Variants in ZFHX3 observed in about 807,000 individuals in gnomAD.
The protein encoded by ZFHX3 is zinc finger homeobox protein 3.
Under a neutral mutation model 279.1 loss-of-function variants are expected in ZFHX3, and 42 were observed. The observed-to-expected ratio is 0.15, with a 90% confidence interval of 0.12 to 0.19. The LOEUF is 0.19. ZFHX3 is among the 10% of genes least tolerant of loss of function. ZFHX3 has a pLI of 1.00. For missense variants in ZFHX3, 4,981 were observed against 4,754.0 expected (o/e 1.05, Z -1.40); for synonymous variants, 2,293 against 1,957.8 (o/e 1.17, Z -4.52).
intron 2 of ZFHX3, among the ~76,000 whole-genome samples, chr16:73,547,981 T>C (rs2020148910): frequency 6.6e-6 from 1 of 152,366 alleles, no homozygotes; most frequent in African/African-American, 2.4e-5. Flanking sequence ...TGCTTTAGCA[T>C]CTGAAAACTT....
chr16:73,101,381 G>T (rs1390958154), intron 7 of ZFHX3, among the ~76,000 whole-genome samples: 2 of 152,006 alleles, frequency 1.3e-5, no homozygotes, highest in African/African-American at 4.8e-5. Flanking sequence ...GTGTTGAAAG[G>T]TATTGCTCCC....
chr16:73,696,471 G>T (rs989993270), intron 1 of ZFHX3, among the ~76,000 whole-genome samples: 1 of 152,134 alleles, frequency 6.6e-6, no homozygotes, highest in African/African-American at 2.4e-5. Context: ...CAGTGTGTTG[G>T]GTTGGGTCAT....
At chr16:73,756,388 A>G (rs374592263) in intron 1 of ZFHX3, among the ~76,000 whole-genome samples, 9 of 152,274 alleles carry the variant, frequency 5.9e-5, no homozygotes, top group African/African-American at 1.9e-4. Context: ...GCTAGAATGG[A>G]TGAGAAAAAT....
At chr16:73,715,018 G>A (rs936813804) in intron 1 of ZFHX3, among the ~76,000 whole-genome samples, 2 of 152,106 alleles carry the variant, frequency 1.3e-5, no homozygotes, top group Admixed American at 1.3e-4. Context: ...CTTTTTCTCT[G>A]CCCTCCCTAC....
chr16:72,902,099 A>T (rs1410665410), intron 3 of ZFHX3, among the ~76,000 whole-genome samples: 1 of 152,224 alleles, frequency 6.6e-6, no homozygotes, highest in Admixed American at 6.5e-5. Flanking sequence ...TGGAATGTAA[A>T]CAATGGGGCT....
chr16:73,470,828 C>A lies in ZFHX3; in HGVS notation c.-1546-14570G>T, dbSNP rs567385062. Among the ~76,000 whole-genome samples the A allele has an allele frequency of 3.9e-5, 6 of 152,334 alleles. No individual in the cohort carries two copies. The East Asian group carries it at 1.2e-3, about 29-fold the overall frequency. On this transcript the variant is annotated intron_variant, in intron 2 of 17. Transcript: ENST00000641206. ...ATTGTTTATCTATACCTCATCACGG[C>A]TACCTGTTTCCTGGGGGATCCAGTC...
Position 72,787,918 on chromosome 16 carries a change from T to C in ZFHX3, c.10358A>G (p.Tyr3453Cys), listed in dbSNP as rs200398451. Residue 3453 changes from tyrosine to cysteine, a missense_variant, in exon 10 of 10, where the codon TAC (tyrosine) becomes TGC (cysteine). Transcript: ENST00000268489. ...EAESKSADSL[Y>C]DPFIVPKVQY... ...CACCTTTGGAACAATGAAGGGGTCG[T>C]AGAGGGAGTCCGCACTTTTGCTTTC... The C allele has an allele frequency of 1.3e-5, 21 of 1,613,916 alleles. No individual in the cohort carries two copies. Among genetic ancestry groups the C allele is most frequent in the Admixed American group, 1.0e-4 (6 of 60,026 alleles).
At chr16:72,991,398 C>T (rs1364430716) in intron 1 of ZFHX3, among the ~76,000 whole-genome samples, 1 of 152,146 alleles carries the variant, frequency 6.6e-6, no homozygotes, top group African/African-American at 2.4e-5. Flanking sequence ...GGACTGCTGT[C>T]GTGGCTAGGA....
intron 2 of ZFHX3, chr16:73,486,913 T>A (rs919421343): frequency 8.8e-6 from 4 of 453,978 alleles, no homozygotes; most frequent in South Asian, 1.6e-5. Flanking sequence ...CTAAGGCAAA[T>A]TCTTTCCACT....
chr16:73,105,460 T>C (rs868231177), intron 7 of ZFHX3, among the ~76,000 whole-genome samples: 105 of 116,982 alleles, frequency 9.0e-4, no homozygotes, highest in African/African-American at 2.2e-3. Context: ...TATATATATT[T>C]TTTCCCCCAG....
intron 3 of ZFHX3, among the ~76,000 whole-genome samples, chr16:72,908,687 G>A (rs915067473): frequency 4.6e-5 from 7 of 152,114 alleles, no homozygotes; most frequent in Non-Finnish European, 8.8e-5. Context: ...AATTGCCATT[G>A]GGCTTTGTTA....
chr16:73,152,779 C>T (rs1321225022), intron 5 of ZFHX3, among the ~76,000 whole-genome samples: 8 of 143,972 alleles, frequency 5.6e-5, no homozygotes, highest in Non-Finnish European at 9.0e-5. Flanking sequence ...AAAAAAAAGC[C>T]CTGGCCTGGG....
intron 1 of ZFHX3, among the ~76,000 whole-genome samples, chr16:73,877,311 T>C (rs2029985130): frequency 1.3e-5 from 2 of 152,100 alleles, no homozygotes; most frequent in South Asian, 4.1e-4. Flanking sequence ...CAGACACCCA[T>C]TAGATTCTTC....
intron 1 of ZFHX3, among the ~76,000 whole-genome samples, chr16:73,006,313 G>A (rs559297778): frequency 6.6e-6 from 1 of 152,268 alleles, no homozygotes; most frequent in Non-Finnish European, 1.5e-5. Flanking sequence ...AAGCAGACTA[G>A]GAATAAGGGT....
chr16:73,862,828 C>T lies in ZFHX3; in HGVS notation c.-1608+28823G>A, dbSNP rs575303209. 3.3e-5 allele frequency among the ~76,000 whole-genome samples: 5 copies of T among 152,160 alleles called. No homozygotes were observed. In the East Asian group the frequency reaches 9.7e-4, roughly 29 times the overall value. On this transcript the variant is annotated intron_variant, in intron 1 of 17. Transcript: ENST00000641206. Reference sequence around the variant, plus strand: ...AGTTACCTATAACAAAATCTCAACCCGTTAGCCTGACGTGATACCTACACA... The same window carrying T: ...AGTTACCTATAACAAAATCTCAACCTGTTAGCCTGACGTGATACCTACACA...
intron 2 of ZFHX3, among the ~76,000 whole-genome samples, chr16:73,606,411 G>A (rs575784813): frequency 5.3e-5 from 8 of 151,148 alleles, no homozygotes; most frequent in East Asian, 3.9e-4. Flanking sequence ...TCCTGAACCC[G>A]AGAGGCGGAG....
At chr16:72,937,669 T>C (rs1395508261) in intron 3 of ZFHX3, among the ~76,000 whole-genome samples, 1 of 152,254 alleles carries the variant, frequency 6.6e-6, no homozygotes, top group East Asian at 1.9e-4. Flanking sequence ...ACCCCGCAGC[T>C]GCTCCCACGC....
intron 4 of ZFHX3, among the ~76,000 whole-genome samples, chr16:72,851,887 C>T (rs2037628060): frequency 6.6e-6 from 1 of 152,172 alleles, no homozygotes; most frequent in South Asian, 2.1e-4. Flanking sequence ...ATAAGGCATG[C>T]TCAAATGTGA....
At chr16:73,160,461 G>C (rs1208654306) in intron 5 of ZFHX3, among the ~76,000 whole-genome samples, 1 of 152,144 alleles carries the variant, frequency 6.6e-6, no homozygotes, top group Non-Finnish European at 1.5e-5. Flanking sequence ...AAATTTCTAA[G>C]GATGAGAACT....
Sources: allele counts gnomAD v4.1 joint callset (sites outside exome capture counted in the v4.1 genomes callset), GRCh38; gene constraint gnomAD v4.1.1; transcripts MANE v1.5; gene names NCBI Gene and HGNC (gene_info 2026-07-23, HGNC 2026-07-21).